ZNF91: variants seen among roughly 807,000 people sequenced by gnomAD.
ZNF91 encodes the protein zinc finger protein 91 (HPF7, HTF10).
A neutral mutation model predicts 12.6 loss-of-function variants in ZNF91; 7 were observed. That is an observed-to-expected ratio of 0.55 (90% CI 0.31 to 1.04). The LOEUF is 1.04. Among genes scored for constraint, ZNF91 ranks in the 50% least tolerant of loss-of-function variants. ZNF91 has a pLI of 0.05. For missense variants in ZNF91, 1,217 were observed against 1,385.4 expected (o/e 0.88, Z 1.93); for synonymous variants, 453 against 462.6 (o/e 0.98, Z 0.27).
chr19:23,314,707 G>T (rs1363461699), upstream of ZNF91, among the ~76,000 whole-genome samples: 3 of 151,858 alleles, frequency 2.0e-5, no homozygotes, highest in African/African-American at 7.3e-5. Flanking sequence ...ACCCTCCCCA[G>T]ATGACGTAAC....
At chr19:23,357,675 T>C (rs1458418167), downstream of ZNF91, 1 of 151,792 alleles carries the variant, frequency 6.6e-6, no homozygotes, top group Non-Finnish European at 1.5e-5. Context: ...TTAAAAAAGA[T>C]TTATTCGGGA....
chr19:23,359,953 AG>A lies in ZNF91; in HGVS notation c.3025del (p.Leu1009Ter). 2 of 1,612,062 alleles carry A rather than the reference AG, an allele frequency of 1.2e-6. No homozygotes were observed. Among genetic ancestry groups the A allele is most frequent in the Non-Finnish European group, 1.7e-6 (2 of 1,179,264 alleles). On this transcript the variant is annotated frameshift_variant, in exon 4 of 4. Transcript: ENST00000300619. LOFTEE classifies it low-confidence loss of function (END_TRUNC). ...AGTGTGCATCCTCGTATGTCTAGTT[AG>A]GGTTGAGGATTGGCTAAATGCTTTG... ...CGKAFSQSST[L>X]TRHTRMHTGE...
In ZNF91 at chr19:23,360,087, T is replaced by C. The variant is rs766930979; in HGVS notation, c.2892A>G (p.Lys964=). The C allele has an allele frequency of 6.2e-6, 10 of 1,613,458 alleles. No homozygotes were observed. The highest frequency in any genetic ancestry group is 2.2e-5 in the East Asian group (1 of 44,830). ...TTHKIIHTGE[K]PYKCEECGKA... ...TGCCACATTCTTCACATTTGTAGGG[T>C]TTCTCTCCAGTATGAATTATCTTAT... The change falls in exon 4 of 4, where the codon AAA becomes AAG. Residue 964 remains lysine (K), a synonymous_variant. Coordinates refer to ENST00000300619, the MANE Select transcript of ZNF91 (RefSeq NM_003430.4).
chr19:23,327,604 T>G (rs924611217), intron 1 of ZNF91: 1 of 152,250 alleles, frequency 6.6e-6, no homozygotes, highest in African/African-American at 2.4e-5. Context: ...GTATTTAGAC[T>G]CATACCTGGC....
intron 1 of ZNF91, among the ~76,000 whole-genome samples, chr19:23,394,823 A>G (rs754920493): frequency 3.3e-5 from 5 of 152,220 alleles, no homozygotes; most frequent in Non-Finnish European, 5.9e-5. Flanking sequence ...ATCTCCTTCA[A>G]GGCCTTTCAT....
chr19:23,323,155 C>CCT (rs1568367884), intron 1 of ZNF91, among the ~76,000 whole-genome samples: 3 of 146,752 alleles, frequency 2.0e-5, no homozygotes, highest in East Asian at 4.1e-4. Context: ...CTTCGCCTCT[C>CCT]CTCCTCTCCA....
chr19:23,320,780 T>C (rs1194280037), intron 1 of ZNF91, among the ~76,000 whole-genome samples: 5 of 152,188 alleles, frequency 3.3e-5, no homozygotes, highest in South Asian at 4.1e-4. Context: ...GAGATTGTAA[T>C]ACTAGTAAGC....
intron 1 of ZNF91, chr19:23,324,351 T>C (rs1489025081): frequency 1.3e-5 from 2 of 151,936 alleles, no homozygotes; most frequent in East Asian, 1.9e-4. Flanking sequence ...CTCCTCTTTC[T>C]TCACTCCTCC....
chr19:23,374,886 T>C, intron 1 of ZNF91, 122 bp from the exon 2 acceptor site: 3 of 1,459,536 alleles, frequency 2.1e-6, no homozygotes, highest in Non-Finnish European at 2.8e-6. Flanking sequence ...TGGCTGAAAT[T>C]ATCCAATAAA....
Position 23,395,273 on chromosome 19 carries a change from G to C in ZNF91, c.30+52C>G. The C allele has an allele frequency of 1.9e-6, 3 of 1,603,752 alleles. No homozygotes were observed. The Admixed American group carries it at 5.2e-5, about 28-fold the overall frequency. On this transcript the variant is annotated intron_variant, in intron 1 of 3. Coordinates refer to ENST00000300619, the MANE Select transcript of ZNF91 (RefSeq NM_003430.4). ...GGCTCGCCACAGCCGCATCCCACCG[G>C]TTTCAACGAGCCCCGTTCCCTCTCT...
In ZNF91 at chr19:23,325,124, C is replaced by G. The variant is rs186959324; in HGVS notation, n.117-16027G>C. The G allele has an allele frequency of 2.0e-5, 3 of 151,474 alleles. No homozygotes were observed. The East Asian group carries it at 6.0e-4, about 30-fold the overall frequency. The allele number at this position is 151,474 out of a possible 1,614,324, so 9.4% of individuals were successfully genotyped here. A position where few individuals can be genotyped will look rare whatever the true frequency, so the allele number is the denominator to read the frequency against. On this transcript the variant is annotated intron_variant and non_coding_transcript_variant, in intron 1 of 1. Coordinates refer to the ZNF91 transcript ENST00000596528. ...GAGCCTTGTTCTGCCCTTCCACTTT[C>G]CACTTTATTACACAAGCAGGAGATA... is the stretch of plus-strand genomic sequence containing the variant.
chr19:23,350,739 G>A (rs1347262735), intron 3 of ZNF91, among the ~76,000 whole-genome samples: 2 of 152,148 alleles, frequency 1.3e-5, no homozygotes, highest in Non-Finnish European at 2.9e-5. Flanking sequence ...AGCAGGAAGA[G>A]ATATGGCCAG....
chr19:23,385,741 T>G (rs1435633184), intron 1 of ZNF91, among the ~76,000 whole-genome samples: 2 of 152,228 alleles, frequency 1.3e-5, no homozygotes, highest in African/African-American at 2.4e-5. Flanking sequence ...ATATATTGCT[T>G]GGGCTCACCG....
In ZNF91 at chr19:23,362,523, T is replaced by A; in HGVS notation, c.456A>T (p.Lys152Asn). The change falls in exon 4 of 4, where the codon AAA becomes AAT. Residue 152 changes from lysine to asparagine, a missense_variant. Physicochemically the swap from Lys to Asn is moderately conservative, Grantham distance 94. This residue lies in a region of ZNF91 where 726 missense variants were observed against 895.5 expected (regional missense o/e 0.81). Transcript: ENST00000300619. ...TCAAATATTTCCCACATTGAAATAC[T>A]TTGCTCTGGGCAGTTGTGAGACACT... ...LNQCLTTAQS[K>N]VFQCGKYLKV... The A allele has an allele frequency of 3.1e-6, 5 of 1,603,956 alleles. No homozygotes were observed. The highest frequency in any genetic ancestry group is 4.3e-6 in the Non-Finnish European group (5 of 1,175,788).
intron 3 of ZNF91, among the ~76,000 whole-genome samples, chr19:23,367,049 T>C (rs973929429): frequency 4.6e-5 from 7 of 152,294 alleles, no homozygotes; most frequent in African/African-American, 1.4e-4. Flanking sequence ...TCCCAACACA[T>C]AGAGAGACCA....
At chr19:23,337,976 A>G (rs1178622965), downstream of ZNF91, 1 of 152,146 alleles carries the variant, frequency 6.6e-6, no homozygotes, top group Non-Finnish European at 1.5e-5. Context: ...AAAAGAATAA[A>G]AAAGAATGAA....
At chr19:23,393,046 T>G (rs1970116548) in intron 1 of ZNF91, among the ~76,000 whole-genome samples, 1 of 152,008 alleles carries the variant, frequency 6.6e-6, no homozygotes, top group African/African-American at 2.4e-5. Context: ...GTTTTTTGGT[T>G]TTTTGGGTTT....
At chr19:23,315,577 C>T (rs1298157634), upstream of ZNF91, among the ~76,000 whole-genome samples, 1 of 152,212 alleles carries the variant, frequency 6.6e-6, no homozygotes, top group Non-Finnish European at 1.5e-5. Context: ...ATGTGATTCT[C>T]GTTTTCTTTC....
intron 1 of ZNF91, among the ~76,000 whole-genome samples, chr19:23,388,737 G>T (rs756867134): frequency 2.6e-5 from 4 of 152,132 alleles, no homozygotes; most frequent in African/African-American, 9.7e-5. Flanking sequence ...GCCAGGCATG[G>T]TGGTGGGCAC....
Sources: allele counts gnomAD v4.1 joint callset (sites outside exome capture counted in the v4.1 genomes callset), GRCh38; gene constraint gnomAD v4.1.1; regional missense constraint gnomAD v4.1.1; transcripts MANE v1.5; gene names NCBI Gene and HGNC (gene_info 2026-07-23, HGNC 2026-07-21).